EOGT: variants seen among roughly 807,000 people sequenced by gnomAD.
The protein encoded by EOGT is EGF domain-specific O-linked N-acetylglucosamine transferase.
EOGT carries 55 observed loss-of-function variants against 70.5 expected under a neutral mutation model. The ratio of observed to expected loss-of-function variants is 0.78; its 90% CI spans 0.63 to 0.98. The LOEUF (loss-of-function observed/expected upper bound fraction) is 0.98, where lower values mean the gene tolerates loss of function less well. Ranked by LOEUF, EOGT falls within the 50% of genes least tolerant of loss-of-function variation. The pLI is 0.00. For synonymous variants in EOGT, 246 were observed against 217.1 expected (o/e 1.13, Z -1.17); for missense variants, 703 against 641.9 (o/e 1.10, Z -1.03).
chr3:68,990,348 CTTTTTT>C (rs56046605), intron 10 of EOGT, among the ~76,000 whole-genome samples: 3 of 107,888 alleles, frequency 2.8e-5, no homozygotes, highest in African/African-American at 3.6e-5. Flanking sequence ...TTACCACATG[CTTTTTT>C]TTTTTTTTTT....
At chr3:68,992,746 G>A (rs961184610) in intron 10 of EOGT, among the ~76,000 whole-genome samples, 10 of 152,296 alleles carry the variant, frequency 6.6e-5, no homozygotes, top group Middle Eastern at 3.4e-3. Flanking sequence ...TGAGAGCCCC[G>A]CCCCTGCAGC....
intron 13 of EOGT, chr3:68,987,865 C>G: frequency 2.9e-6 from 1 of 349,160 alleles, no homozygotes; most frequent in South Asian, 4.4e-5. Context: ...CCCTTAGCTT[C>G]TCTTTTATAG....
chr3:69,001,201 G>A (rs868706299), intron 9 of EOGT, among the ~76,000 whole-genome samples: 33 of 152,116 alleles, frequency 2.2e-4, no homozygotes, highest in African/African-American at 7.7e-4. Context: ...CTCGTGATCT[G>A]CCTGCCTCGG....
intron 8 of EOGT, 63 bp from the exon 9 acceptor site, chr3:69,001,777 G>C: frequency 8.8e-7 from 1 of 1,130,904 alleles, no homozygotes; most frequent in Middle Eastern, 2.1e-4. Context: ...TTAGAACACT[G>C]TAACTTAGGA....
At position 68,986,902 on chromosome 3, in the gene EOGT, T is replaced by A. The variant is rs115555210; in HGVS notation, c.1152+543A>T. ...TAACTATTGTAGAATAAATTCTTAC[T>A]ACTGAGAGGCTATCTTCAGGCCATG... is the stretch of plus-strand genomic sequence containing the variant. On this transcript the variant is annotated intron_variant, in intron 14 of 17. Transcript: ENST00000383701. 3.3e-3 allele frequency among the ~76,000 whole-genome samples: 500 copies of A among 152,364 alleles called. 3 individuals carry two copies. Among genetic ancestry groups the A allele is most frequent in the Non-Finnish European group, 5.3e-3 (360 of 68,042 alleles).
At chr3:68,986,612 T>C (rs2090815312) in intron 14 of EOGT, among the ~76,000 whole-genome samples, 1 of 152,224 alleles carries the variant, frequency 6.6e-6, no homozygotes, top group South Asian at 2.1e-4. Flanking sequence ...TGCTAGATTC[T>C]TCTCTGATTA....
intron 16 of EOGT, among the ~76,000 whole-genome samples, 182 bp downstream of exon 16, chr3:68,979,486 G>A (rs959996360): frequency 1.3e-5 from 2 of 152,180 alleles, no homozygotes; most frequent in Admixed American, 1.3e-4. Flanking sequence ...TAAGTGCAAT[G>A]GCAGGCTGCA....
In EOGT at chr3:69,012,617, T is replaced by G. The variant is rs572109645; in HGVS notation, c.-173A>C. The G allele has an allele frequency of 6.5e-6, 1 of 152,850 alleles. No homozygotes were observed. The highest frequency in any genetic ancestry group is 1.9e-4 in the East Asian group (1 of 5,210). The allele number at this position is 152,850 out of a possible 1,614,324, so 9.5% of individuals were successfully genotyped here. The stretch of plus-strand genomic sequence containing the variant: ...CATGTACCCACTTGCATAAGGCGGC[T>G]GGGGGTGGCTGCTGGGCCTGGCACA... On this transcript the variant is annotated 5_prime_UTR_variant, in exon 2 of 18. Coordinates refer to ENST00000383701, the MANE Select transcript of EOGT (RefSeq NM_001278689.2).
chr3:68,983,571 C>T (rs2090714773), intron 14 of EOGT, among the ~76,000 whole-genome samples: 1 of 152,236 alleles, frequency 6.6e-6, no homozygotes, highest in Non-Finnish European at 1.5e-5. Flanking sequence ...TGCACTGCAA[C>T]AGCAACATCA....
intron 10 of EOGT, among the ~76,000 whole-genome samples, chr3:68,996,086 G>A (rs2091139858): frequency 6.6e-6 from 1 of 152,128 alleles, no homozygotes; most frequent in African/African-American, 2.4e-5. Flanking sequence ...ACAAAAAGAA[G>A]AAAAGAAAGG....
At chr3:68,989,068 G>T in intron 10 of EOGT, 51 bp from the exon 11 acceptor site, 2 of 1,031,302 alleles carry the variant, frequency 1.9e-6, no homozygotes, top group South Asian at 1.5e-5. Context: ...GATATAACAT[G>T]ACTTTTCAAA....
chr3:68,993,222 T>C (rs1240787806), intron 10 of EOGT, among the ~76,000 whole-genome samples: 1 of 152,236 alleles, frequency 6.6e-6, no homozygotes, highest in East Asian at 1.9e-4. Flanking sequence ...GCAAATTTTC[T>C]GAACTTTGAT....
chr3:68,988,286 A>G lies in EOGT; in HGVS notation c.1083+9T>C. ...AAGCCCACCTCAGAATCCGCAGTGT[A>G]TCCATTACCTTAGGTCCTTCTTGTG... On this transcript the variant is annotated intron_variant, in intron 13 of 17. Transcript: ENST00000383701. 1 of 1,527,772 alleles carries G rather than the reference A, an allele frequency of 6.5e-7. No individual in the cohort carries two copies. Among genetic ancestry groups the G allele is most frequent in the Non-Finnish European group, 8.8e-7 (1 of 1,139,456 alleles). 94.6% of individuals were successfully genotyped at this position (1,527,772 alleles called of 1,614,324 possible).
chr3:69,000,518 G>C (rs1056589996), intron 9 of EOGT, among the ~76,000 whole-genome samples: 1 of 152,036 alleles, frequency 6.6e-6, no homozygotes, highest in Non-Finnish European at 1.5e-5. Context: ...TCTGATTTCT[G>C]AATTTAATAC....
intron 11 of EOGT, 111 bp from the exon 12 acceptor site, chr3:68,988,688 G>A: frequency 2.9e-6 from 2 of 697,726 alleles, no homozygotes; most frequent in Non-Finnish European, 2.3e-6. Flanking sequence ...TGCATTGCTT[G>A]AATAGCACAC....
chr3:69,008,615 T>C (rs1269043971), intron 4 of EOGT, 87 bp from the exon 5 acceptor site: 10 of 886,552 alleles, frequency 1.1e-5, no homozygotes, highest in Non-Finnish European at 1.5e-5. Context: ...CAAATCATTA[T>C]AGAGCATTCA....
rs1335722055 is a variant in EOGT, at chr3:68,977,825, C to A, written c.1438-61G>T. The stretch of plus-strand genomic sequence containing the variant: ...AATGAGGGCATGGTTTTCTCTACAG[C>A]AGGAAAATTATGTTACTTTGGTTAA... On this transcript the variant is annotated intron_variant, in intron 17 of 17. Coordinates refer to ENST00000383701, the MANE Select transcript of EOGT (RefSeq NM_001278689.2). The A allele has an allele frequency of 2.7e-5, 41 of 1,516,052 alleles. No homozygotes were observed. In the Admixed American group the frequency reaches 8.8e-4, roughly 33 times the overall value. The allele number at this position is 1,516,052 out of a possible 1,614,324, so 93.9% of individuals were successfully genotyped here.
chr3:68,987,744 G>A lies in EOGT; in HGVS notation c.1084-231C>T, dbSNP rs578006231. ...TTACATTGTCTGTTTGGTTGGGTGG[G>A]TGAATTTTTTGGCAGGGGTTGTGTA... On this transcript the variant is annotated intron_variant, in intron 13 of 17. Transcript: ENST00000383701. 321 of 551,176 alleles carry A rather than the reference G, an allele frequency of 5.8e-4. 3 individuals carry two copies. The South Asian group carries it at 7.2e-3, about 12-fold the overall frequency. The allele number at this position is 551,176 out of a possible 1,614,324, so 34.1% of individuals were successfully genotyped here.
intron 6 of EOGT, among the ~76,000 whole-genome samples, chr3:69,007,483 C>CTTTACTAAAAATATAAAAATATAAAATA (rs1324520323): frequency 8.5e-6 from 1 of 117,654 alleles, no homozygotes; most frequent in African/African-American, 3.3e-5. Flanking sequence ...GAAACCCCAC[C>CTTTACTAAAAATATAAAAATATAAAATA]TTTACTAAAA....
Sources: gnomAD v4.1 joint callset for allele counts (sites outside exome capture counted in the v4.1 genomes callset) on GRCh38, gnomAD v4.1.1 for gene constraint, MANE v1.5 for transcripts, NCBI Gene and HGNC (gene_info 2026-07-23, HGNC 2026-07-21) for gene names.